The following SMIM35 variants were observed in gnomAD, a reference collection of about 807,000 sequenced individuals.
The protein encoded by SMIM35 is small integral membrane protein 35.
chr11:118,066,033 GA>G (rs1193541252), intron 1 of SMIM35, among the ~76,000 whole-genome samples: 1 of 151,980 alleles, frequency 6.6e-6, no homozygotes, highest in East Asian at 1.9e-4. Context: ...CCCTGCTGGG[GA>G]AGAGGGGGCT....
At chr11:118,060,230 A>G (rs1289492623) in intron 1 of SMIM35, among the ~76,000 whole-genome samples, 1 of 152,134 alleles carries the variant, frequency 6.6e-6, no homozygotes, top group Non-Finnish European at 1.5e-5. Flanking sequence ...CAGAGCCCAG[A>G]CCACTCCCCA....
chr11:118,055,056 C>T (rs1944288502), intron 1 of SMIM35, among the ~76,000 whole-genome samples: 1 of 152,200 alleles, frequency 6.6e-6, no homozygotes, highest in South Asian at 2.1e-4. Flanking sequence ...ACATCTGCCT[C>T]AGCCTCCCAA....
In SMIM35 at chr11:118,048,632, GAGAA is replaced by G. The variant is rs1199587822; in HGVS notation, c.8-32827_8-32824del. Among the ~76,000 whole-genome samples, 8 of 150,964 alleles carry G rather than the reference GAGAA, an allele frequency of 5.3e-5. No homozygotes were observed. In the East Asian group the frequency reaches 7.8e-4, roughly 15 times the overall value. On this transcript the variant is annotated intron_variant, in intron 1 of 4. Coordinates refer to ENST00000689828, the MANE Select transcript of SMIM35 (RefSeq NM_001394165.1). ...AAGGAAGCAAGGAAGGAGAGAGAGAGAGAAAGAGAGAAAGAAAGAAAGAAATTAA... is the reference window on the plus strand; with the variant it reads ...AAGGAAGCAAGGAAGGAGAGAGAGAGAGAGAGAAAGAAAGAAAGAAATTAA...
intron 1 of SMIM35, chr11:118,025,414 T>C: frequency 2.3e-6 from 1 of 437,862 alleles, no homozygotes; most frequent in South Asian, 1.7e-5. Flanking sequence ...ACCAACAGTG[T>C]GTAAACGTTC....
intron 1 of SMIM35, among the ~76,000 whole-genome samples, chr11:118,031,532 G>A (rs1409331958): frequency 6.6e-6 from 1 of 152,144 alleles, no homozygotes; most frequent in Non-Finnish European, 1.5e-5. Flanking sequence ...TCAAGGGAAG[G>A]CGAGAGTATC....
At chr11:118,061,686 C>G (rs147449256) in intron 1 of SMIM35, among the ~76,000 whole-genome samples, 223 of 152,220 alleles carry the variant, frequency 1.5e-3, no homozygotes, top group African/African-American at 4.9e-3. Flanking sequence ...GCCCTTCCTG[C>G]GACCTGGGCT....
intron 1 of SMIM35, among the ~76,000 whole-genome samples, chr11:118,083,703 T>G (rs1945327666): frequency 6.6e-6 from 1 of 152,182 alleles, no homozygotes; most frequent in Non-Finnish European, 1.5e-5. Flanking sequence ...GCCCAGAAAG[T>G]TGCCTTACTA....
chr11:118,079,311 C>T (rs1944946918), intron 1 of SMIM35, among the ~76,000 whole-genome samples: 1 of 152,170 alleles, frequency 6.6e-6, no homozygotes, highest in African/African-American at 2.4e-5. Context: ...CCTTCCCTTC[C>T]ATTCCCTACC....
chr11:118,075,977 G>A (rs1284571830), intron 1 of SMIM35, among the ~76,000 whole-genome samples: 1 of 152,214 alleles, frequency 6.6e-6, no homozygotes, highest in Non-Finnish European at 1.5e-5. Context: ...AATCAGAAAT[G>A]ATCCTGTGGG....
At chr11:118,053,879 C>A (rs1055252421) in intron 1 of SMIM35, among the ~76,000 whole-genome samples, 2 of 152,142 alleles carry the variant, frequency 1.3e-5, no homozygotes, top group Non-Finnish European at 2.9e-5. Context: ...AAGACACAAT[C>A]GCAAACACTG....
intron 1 of SMIM35, among the ~76,000 whole-genome samples, chr11:118,079,723 G>GGGGCTTGGCTGGGCTTGGCT (rs150700918): frequency 2.0e-5 from 3 of 151,650 alleles, no homozygotes; most frequent in African/African-American, 7.3e-5. Flanking sequence ...ACAGAGTCAA[G>GGGGCTTGGCTGGGCTTGGCT]GGGCTTGGCT....
chr11:118,021,017 C>A (rs7929615), intron 1 of SMIM35, among the ~76,000 whole-genome samples: 3 of 149,392 alleles, frequency 2.0e-5, no homozygotes, highest in African/African-American at 4.9e-5. Flanking sequence ...TTTGGCAGTG[C>A]GTTTTTAGTT....
At chr11:118,048,206 T>C (rs546805866) in intron 1 of SMIM35, among the ~76,000 whole-genome samples, 5 of 152,340 alleles carry the variant, frequency 3.3e-5, no homozygotes, top group South Asian at 4.1e-4. Context: ...AAGTAATTAA[T>C]TTAAAAAAGT....
chr11:118,012,483 T>G (rs1565379112), intron 4 of SMIM35, among the ~76,000 whole-genome samples: 1 of 152,200 alleles, frequency 6.6e-6, no homozygotes, highest in Non-Finnish European at 1.5e-5. Context: ...CTGGCCCACT[T>G]TTGCCACAGG....
intron 1 of SMIM35, among the ~76,000 whole-genome samples, chr11:118,058,562 T>G (rs1944349558): frequency 6.6e-6 from 1 of 151,354 alleles, no homozygotes. Context: ...AGGCTTGGAG[T>G]AGAAGCGAAA....
intron 1 of SMIM35, among the ~76,000 whole-genome samples, chr11:118,022,674 C>T (rs1350421994): frequency 6.6e-6 from 1 of 152,134 alleles, no homozygotes; most frequent in East Asian, 1.9e-4. Flanking sequence ...CAGCTATGTG[C>T]AGAGGGACCC....
At chr11:118,077,209 C>A in intron 1 of SMIM35, 2 of 1,523,600 alleles carry the variant, frequency 1.3e-6, no homozygotes, top group Middle Eastern at 1.7e-4. Flanking sequence ...ACCTGCTGGC[C>A]AGCCAGGACC....
At chr11:118,084,173 C>G (rs1303519934) in intron 1 of SMIM35, among the ~76,000 whole-genome samples, 1 of 152,162 alleles carries the variant, frequency 6.6e-6, no homozygotes, top group East Asian at 1.9e-4. Context: ...TTTTCACACA[C>G]ACATGAAACT....
At position 118,086,747 on chromosome 11, in the gene SMIM35, T is replaced by A. The variant is rs1004986627; in HGVS notation, c.7+4A>T. 1 of 152,894 alleles carries A rather than the reference T, an allele frequency of 6.5e-6. No homozygotes were observed. The highest frequency in any genetic ancestry group is 1.5e-5 in the Non-Finnish European group (1 of 68,214). The allele number at this position is 152,894 out of a possible 1,614,324, so 9.5% of individuals were successfully genotyped here. ...CTTCCAGCCCTCAGTGACCCTCTCC[T>A]TACCTGTCATGGCTGAGACATCCAA... On this transcript the variant is annotated splice_donor_region_variant and intron_variant, in intron 1 of 4. Coordinates refer to ENST00000689828, the MANE Select transcript of SMIM35 (RefSeq NM_001394165.1).
Sources: gnomAD v4.1 joint callset for allele counts (sites outside exome capture counted in the v4.1 genomes callset) on GRCh38, gnomAD v4.1.1 for gene constraint, MANE v1.5 for transcripts, NCBI Gene and HGNC (gene_info 2026-07-23, HGNC 2026-07-21) for gene names.